PHTF2: variants seen among roughly 807,000 people sequenced by gnomAD.
PHTF2 encodes protein PHTF2.
In PHTF2, 60 loss-of-function variants were observed where a neutral mutation model predicts 101.2. The observed-to-expected ratio is 0.59, with a 90% CI of 0.48 to 0.73. The LOEUF (loss-of-function observed/expected upper bound fraction) is 0.73. Ranked by LOEUF, PHTF2 falls within the 30% of genes least tolerant of loss-of-function variation. The probability of loss-of-function intolerance (pLI) is 0.00; values close to 1 mark genes in which losing one functional copy is unlikely to be tolerated. For synonymous variants in PHTF2, 311 were observed against 307.3 expected, an observed-to-expected ratio of 1.01 and a Z score of -0.13; for missense variants, 747 against 908.7, an observed-to-expected ratio of 0.82 and a Z score of 2.29.
At chr7:77,829,822 A>G (rs1794946417) in intron 1 of PHTF2, among the ~76,000 whole-genome samples, 3 of 152,234 alleles carry the variant, frequency 2.0e-5, no homozygotes. Flanking sequence ...TTAGATCTGC[A>G]ATATGTAAAA....
At chr7:77,830,650 G>A (rs1795011505) in intron 1 of PHTF2, among the ~76,000 whole-genome samples, 1 of 152,174 alleles carries the variant, frequency 6.6e-6, no homozygotes, top group African/African-American at 2.4e-5. Context: ...GCGCTGGGGA[G>A]CAGCTGCGAA....
At chr7:77,893,628 A>C (rs752053086) in exon 4 of PHTF2, 1 of 1,439,848 alleles carries the variant, frequency 6.9e-7, no homozygotes, top group South Asian at 1.2e-5. Flanking sequence ...ATGATCAACA[A>C]ATATGGGAAA....
At chr7:77,829,728 GT>G (rs1439758059) in intron 1 of PHTF2, among the ~76,000 whole-genome samples, 2 of 152,342 alleles carry the variant, frequency 1.3e-5, no homozygotes, top group African/African-American at 4.8e-5. Flanking sequence ...TGTTTTGGTT[GT>G]GGTGAAGGCA....
At chr7:77,933,843 A>G (rs1461135203) in intron 12 of PHTF2, among the ~76,000 whole-genome samples, 1 of 151,764 alleles carries the variant, frequency 6.6e-6, no homozygotes, top group Admixed American at 6.6e-5. Flanking sequence ...TTCTTAAATG[A>G]TTTAAAAAAT....
At chr7:77,830,380 C>T (rs191243928) in intron 1 of PHTF2, among the ~76,000 whole-genome samples, 248 of 152,280 alleles carry the variant, frequency 1.6e-3, no homozygotes, top group African/African-American at 4.0e-3. Flanking sequence ...AGTTGGTCTG[C>T]GGCCTGGTAG....
At chr7:77,887,844 C>T (rs1251995012) in intron 3 of PHTF2, among the ~76,000 whole-genome samples, 1 of 152,156 alleles carries the variant, frequency 6.6e-6, no homozygotes, top group Non-Finnish European at 1.5e-5. Flanking sequence ...TAACAAGAAC[C>T]TTGATAAAGT....
At chr7:77,887,461 C>T (rs1375990249) in intron 3 of PHTF2, among the ~76,000 whole-genome samples, 1 of 151,198 alleles carries the variant, frequency 6.6e-6, no homozygotes, top group Admixed American at 6.6e-5. Flanking sequence ...TCTGTAATGG[C>T]TCAAACTTTA....
At chr7:77,868,210 A>G (rs1161490027) in intron 3 of PHTF2, among the ~76,000 whole-genome samples, 1 of 151,578 alleles carries the variant, frequency 6.6e-6, no homozygotes. Flanking sequence ...CTGCACTATC[A>G]TAGCTCAATG....
chr7:77,910,506 T>TGACA, intron 9 of PHTF2, 97 bp downstream of exon 8: 2 of 793,382 alleles, frequency 2.5e-6, no homozygotes, highest in Non-Finnish European at 4.0e-6. Context: ...ACTTTAAATG[T>TGACA]GACAGCCTCA....
At chr7:77,927,336 C>G (rs1014316388) in intron 11 of PHTF2, among the ~76,000 whole-genome samples, 1 of 151,944 alleles carries the variant, frequency 6.6e-6, no homozygotes, top group African/African-American at 2.4e-5. Flanking sequence ...TGGCTCACGC[C>G]TGTAATCCCT....
At chr7:77,859,903 GA>G (rs1797492348) in intron 3 of PHTF2, among the ~76,000 whole-genome samples, 1 of 152,080 alleles carries the variant, frequency 6.6e-6, no homozygotes. Flanking sequence ...AAGTGTTAAG[GA>G]ATACGTTTAT....
At chr7:77,897,371 GTGTT>G (rs1279097206) in intron 5 of PHTF2, among the ~76,000 whole-genome samples, 1 of 138,834 alleles carries the variant, frequency 7.2e-6, no homozygotes, top group Non-Finnish European at 1.5e-5. Context: ...TTATACTACT[GTGTT>G]TGAGTCATTT....
intron 7 of PHTF2, among the ~76,000 whole-genome samples, chr7:77,904,591 C>T (rs1801684912): frequency 6.6e-6 from 1 of 152,132 alleles, no homozygotes; most frequent in Non-Finnish European, 1.5e-5. Flanking sequence ...TTGTAGATGT[C>T]CACCTTCTTG....
intron 1 of PHTF2, among the ~76,000 whole-genome samples, chr7:77,799,342 G>T (rs1792337405): frequency 6.6e-6 from 1 of 152,206 alleles, no homozygotes; most frequent in Non-Finnish European, 1.5e-5. Flanking sequence ...GTGCTGAGGG[G>T]TCGTCGGGTC....
chr7:77,893,643 T>C, exon 4 of PHTF2: 1 of 1,425,830 alleles, frequency 7.0e-7, no homozygotes, highest in Non-Finnish European at 9.8e-7. Flanking sequence ...GGGAAAAATC[T>C]GTTGAACAGA....
intron 11 of PHTF2, chr7:77,923,606 G>A: frequency 2.0e-6 from 2 of 985,260 alleles, no homozygotes; most frequent in Non-Finnish European, 2.4e-6. Flanking sequence ...CCCAGTGGTT[G>A]CCATACAGAC....
At chr7:77,867,930 T>TTAAA (rs529329745) in intron 3 of PHTF2, among the ~76,000 whole-genome samples, 250 of 152,316 alleles carry the variant, frequency 1.6e-3, no homozygotes, top group South Asian at 2.3e-3. Flanking sequence ...TGGCAGAACT[T>TTAAA]TAAAGCAAGT....
intron 5 of PHTF2, 57 bp downstream of exon 4, chr7:77,894,050 T>G (rs1584624641): frequency 7.7e-7 from 1 of 1,300,444 alleles, no homozygotes; most frequent in Non-Finnish European, 1.1e-6. Context: ...CTGGTCTGCT[T>G]AATTGAGATC....
chr7:77,912,734 TTTTTTTTTTTTTTTTG>T, intron 9 of PHTF2, among the ~76,000 whole-genome samples: 1 of 95,820 alleles, frequency 1.0e-5, no homozygotes, highest in African/African-American at 4.8e-5. Context: ...TTTTTTTTTT[TTTTTTTTTTTTTTTTG>T]AGACAGGGTC....
Sources: gnomAD v4.1 joint callset for allele counts (sites outside exome capture counted in the v4.1 genomes callset) on GRCh38, gnomAD v4.1.1 for gene constraint, MANE v1.5 for transcripts, NCBI Gene and HGNC (gene_info 2026-07-23, HGNC 2026-07-21) for gene names.